RBFOX1: variants seen among roughly 807,000 people sequenced by gnomAD.
RBFOX1 encodes the protein RNA binding fox-1 homolog 1.
A neutral mutation model predicts 57.7 loss-of-function variants in RBFOX1; 8 were observed. The ratio of observed to expected loss-of-function variants is 0.14; its 90% CI spans 0.08 to 0.25. RBFOX1 has a LOEUF of 0.25. RBFOX1 is among the 10% of genes least tolerant of loss of function. The probability of loss-of-function intolerance (pLI) is 1.00; values close to 1 mark genes in which losing one functional copy is unlikely to be tolerated. For synonymous variants in RBFOX1, 326 were observed against 222.4 expected (o/e 1.47, Z -4.15); for missense variants, 611 against 548.5 (o/e 1.11, Z -1.14).
At chr16:5,822,461 TAAA>T (rs1053199098) in intron 3 of RBFOX1, among the ~76,000 whole-genome samples, 1 of 152,088 alleles carries the variant, frequency 6.6e-6, no homozygotes, top group African/African-American at 2.4e-5. Flanking sequence ...AAATAAAAAA[TAAA>T]AAGTTATTTA....
intron 3 of RBFOX1, among the ~76,000 whole-genome samples, chr16:6,719,153 C>G (rs1318220780): frequency 1.3e-5 from 2 of 152,106 alleles, no homozygotes; most frequent in African/African-American, 4.8e-5. Flanking sequence ...AGGCATGAGC[C>G]ATAGTGCCTG....
chr16:5,522,377 G>A (rs17138007), intron 2 of RBFOX1, among the ~76,000 whole-genome samples: 6,152 of 152,268 alleles, frequency 0.04, 426 homozygotes, highest in African/African-American at 0.14. Flanking sequence ...TTGAGGAAAC[G>A]GTGGAGCATC....
intron 2 of RBFOX1, among the ~76,000 whole-genome samples, chr16:6,329,238 G>A (rs1599691662): frequency 6.6e-6 from 1 of 152,268 alleles, no homozygotes; most frequent in South Asian, 2.1e-4. Flanking sequence ...TGGAAGTTTT[G>A]CTTATGGGCC....
At chr16:5,640,411 C>T (rs146126361) in intron 3 of RBFOX1, among the ~76,000 whole-genome samples, 82 of 152,190 alleles carry the variant, frequency 5.4e-4, no homozygotes, top group African/African-American at 1.8e-3. Context: ...TATACACATG[C>T]ACACCATGCA....
intron 2 of RBFOX1, among the ~76,000 whole-genome samples, chr16:5,477,526 A>G (rs1331522484): frequency 1.3e-5 from 2 of 152,318 alleles, no homozygotes; most frequent in East Asian, 3.9e-4. Flanking sequence ...TTATTGAAGT[A>G]ATTGCACGGG....
intron 2 of RBFOX1, among the ~76,000 whole-genome samples, chr16:6,331,096 C>G (rs966847965): frequency 6.6e-6 from 1 of 152,258 alleles, no homozygotes; most frequent in South Asian, 2.1e-4. Flanking sequence ...AAGTATTGAT[C>G]TGGCTACTGT....
chr16:7,477,411 C>CG (rs895034176), intron 4 of RBFOX1, among the ~76,000 whole-genome samples: 1 of 152,016 alleles, frequency 6.6e-6, no homozygotes, highest in Non-Finnish European at 1.5e-5. Flanking sequence ...CGTGGGGGGT[C>CG]GGGGGGTGGT....
chr16:7,567,501 C>G (rs1202665744), intron 5 of RBFOX1, among the ~76,000 whole-genome samples: 1 of 59,214 alleles, frequency 1.7e-5, no homozygotes, highest in African/African-American at 4.9e-5. Context: ...ATGTATATCC[C>G]TATGTATGGC....
At chr16:6,088,432 A>C (rs563636743) in intron 1 of RBFOX1, among the ~76,000 whole-genome samples, 1 of 152,188 alleles carries the variant, frequency 6.6e-6, no homozygotes, top group African/African-American at 2.4e-5. Context: ...GAATTTTTCC[A>C]AAGATGAATA....
chr16:6,657,987 A>G (rs2098672457), intron 3 of RBFOX1, among the ~76,000 whole-genome samples: 1 of 151,910 alleles, frequency 6.6e-6, no homozygotes, highest in Non-Finnish European at 1.5e-5. Flanking sequence ...TTCCACATAT[A>G]TGGATATATT....
At chr16:6,899,960 C>G (rs1236408461) in intron 3 of RBFOX1, among the ~76,000 whole-genome samples, 3 of 152,108 alleles carry the variant, frequency 2.0e-5, no homozygotes, top group Non-Finnish European at 2.9e-5. Flanking sequence ...GCTGGGTGGC[C>G]TTGGACAAGG....
At chr16:7,695,012 C>G (rs2078344847) in intron 14 of RBFOX1, among the ~76,000 whole-genome samples, 2 of 152,124 alleles carry the variant, frequency 1.3e-5, no homozygotes, top group African/African-American at 2.4e-5. Context: ...AGCAAGTGAT[C>G]CACACACAAT....
At chr16:7,688,997 A>G (rs1172609504) in intron 14 of RBFOX1, among the ~76,000 whole-genome samples, 1 of 152,076 alleles carries the variant, frequency 6.6e-6, no homozygotes, top group Non-Finnish European at 1.5e-5. Flanking sequence ...AGCCAAGCCA[A>G]CTGTGTTCAG....
intron 3 of RBFOX1, among the ~76,000 whole-genome samples, chr16:7,011,911 A>AC (rs563704689): frequency 5.9e-5 from 9 of 152,090 alleles, no homozygotes; most frequent in Non-Finnish European, 8.8e-5. Flanking sequence ...ATGCTCTTCC[A>AC]CCCCATCTTC....
At chr16:5,629,929 G>C (rs1057436587) in intron 3 of RBFOX1, among the ~76,000 whole-genome samples, 10 of 152,174 alleles carry the variant, frequency 6.6e-5, no homozygotes, top group Admixed American at 5.9e-4. Context: ...GTTAGCTGAT[G>C]TTGATCAAGT....
chr16:6,091,241 A>G (rs931096136), intron 1 of RBFOX1, among the ~76,000 whole-genome samples: 20 of 152,168 alleles, frequency 1.3e-4, no homozygotes, highest in African/African-American at 4.8e-4. Flanking sequence ...CTTAGTCACC[A>G]TAACCCTATT....
At chr16:7,703,441 A>AC (rs1189919641) in intron 14 of RBFOX1, among the ~76,000 whole-genome samples, 3 of 150,532 alleles carry the variant, frequency 2.0e-5, no homozygotes, top group Admixed American at 2.0e-4. Flanking sequence ...CACAGGATTC[A>AC]CCCAGCTATC....
intron 3 of RBFOX1, among the ~76,000 whole-genome samples, chr16:5,843,802 C>T (rs1198091639): frequency 6.6e-5 from 10 of 152,186 alleles, no homozygotes; most frequent in South Asian, 2.1e-4. Flanking sequence ...AAAGCCTGAA[C>T]GCTTTCCACT....
chr16:6,841,905 G>C (rs954676637), intron 3 of RBFOX1, among the ~76,000 whole-genome samples: 2 of 151,956 alleles, frequency 1.3e-5, no homozygotes, highest in African/African-American at 2.4e-5. Flanking sequence ...TTGGGAGGTC[G>C]AGGCGGGTGG....
Sources: gnomAD v4.1 joint callset for allele counts (sites outside exome capture counted in the v4.1 genomes callset) on GRCh38, gnomAD v4.1.1 for gene constraint, MANE v1.5 for transcripts, NCBI Gene and HGNC (gene_info 2026-07-23, HGNC 2026-07-21) for gene names.